CUL4A: variants seen among roughly 807,000 people sequenced by gnomAD.
CUL4A encodes the protein cullin 4A.
CUL4A carries 16 observed loss-of-function variants against 95.5 expected under a neutral mutation model. The observed-to-expected ratio is 0.17, with a 90% confidence interval of 0.11 to 0.25. The LOEUF (loss-of-function observed/expected upper bound fraction) is 0.25. Among genes scored for constraint, CUL4A ranks in the 10% least tolerant of loss-of-function variants. CUL4A has a pLI of 1.00. For missense variants in CUL4A, 610 were observed against 937.0 expected (o/e 0.65, Z 4.56); for synonymous variants, 380 against 353.1 (o/e 1.08, Z -0.85).
Position 113,233,204 on chromosome 13 carries a change from C to A in CUL4A, c.540C>A (p.Thr180=), listed in dbSNP as rs1196198011. Residue 180 remains threonine (T), a synonymous_variant, in exon 6 of 20, where the codon ACC becomes ACA. Transcript: ENST00000375440. ...IWDMGLELFR[T]HIISDKMVQS... ...ATATGGGATTAGAACTGTTTAGAAC[C>A]CATATTATTAGTGATAAAATGGTTC... The A allele has an allele frequency of 6.2e-7, 1 of 1,613,996 alleles. No homozygotes were observed.
chr13:113,230,040 G>T, intron 5 of CUL4A: 1 of 215,326 alleles, frequency 4.6e-6, no homozygotes, highest in Non-Finnish European at 9.1e-6. Flanking sequence ...CATGTCCTCT[G>T]CTGACCCCTG....
At chr13:113,222,994 C>T (rs571511020) in intron 3 of CUL4A, among the ~76,000 whole-genome samples, 3 of 152,108 alleles carry the variant, frequency 2.0e-5, no homozygotes, top group South Asian at 2.1e-4. Context: ...TTGTGGGAAT[C>T]GAGGGGCGAG....
intron 3 of CUL4A, among the ~76,000 whole-genome samples, chr13:113,222,923 A>G (rs960464063): frequency 3.9e-5 from 6 of 152,260 alleles, no homozygotes; most frequent in African/African-American, 1.4e-4. Flanking sequence ...GAGCAGAGCC[A>G]TGAGAGGAGG....
intron 2 of CUL4A, among the ~76,000 whole-genome samples, chr13:113,215,686 G>T (rs1281600705): frequency 6.6e-6 from 1 of 151,452 alleles, no homozygotes; most frequent in Admixed American, 6.6e-5. Flanking sequence ...GACTATGGAG[G>T]TCGCGTCCCA....
intron 16 of CUL4A, among the ~76,000 whole-genome samples, chr13:113,254,032 C>T (rs977200234): frequency 2.0e-5 from 3 of 152,082 alleles, no homozygotes; most frequent in Non-Finnish European, 2.9e-5. Flanking sequence ...CAGTTTTTTA[C>T]CTACTTGCTG....
At chr13:113,235,015 G>A in intron 7 of CUL4A, 48 bp from the exon 8 acceptor site, 3 of 1,348,410 alleles carry the variant, frequency 2.2e-6, no homozygotes, top group Non-Finnish European at 3.2e-6. Flanking sequence ...CTTGGATAGT[G>A]TCGACATTCT....
chr13:113,210,130 C>T, intron 2 of CUL4A, 42 bp downstream of exon 2: 2 of 1,347,080 alleles, frequency 1.5e-6, no homozygotes, highest in South Asian at 1.5e-5. Context: ...TCCTGCCCCG[C>T]GTGACGCAGA....
chr13:113,253,930 T>A (rs1230852725), intron 16 of CUL4A, among the ~76,000 whole-genome samples: 1 of 152,250 alleles, frequency 6.6e-6, no homozygotes, highest in Admixed American at 6.5e-5. Context: ...AAATAAGTTA[T>A]ACATACCTAC....
upstream of CUL4A, chr13:113,208,791 A>G: frequency 2.1e-6 from 3 of 1,418,652 alleles, no homozygotes; most frequent in Non-Finnish European, 2.8e-6. Context: ...CGGCTCGGCG[A>G]CGCGCTCGGG....
intron 10 of CUL4A, among the ~76,000 whole-genome samples, chr13:113,240,519 G>C (rs762318790): frequency 6.6e-6 from 1 of 152,206 alleles, no homozygotes; most frequent in Non-Finnish European, 1.5e-5. Flanking sequence ...TTTAGCAAAA[G>C]TCTGTGTTTT....
intron 9 of CUL4A, 114 bp downstream of exon 9, chr13:113,237,004 C>A: frequency 3.0e-6 from 2 of 674,856 alleles, no homozygotes; most frequent in Non-Finnish European, 4.9e-6. Flanking sequence ...TTTCATAAGA[C>A]AGTCATTAAA....
rs7328712 is a variant in CUL4A at position 113,256,121 on chromosome 13, A to G, written c.2031+996A>G. ...AGGGTCGCTTGATCCCGGGAGTTTG[A>G]GGCCAGCCTGAGCAATGCAGTGAGA... On this transcript the variant is annotated intron_variant, in intron 18 of 19. Transcript: ENST00000375440. Among the ~76,000 whole-genome samples, 1,333 of 152,210 alleles carry G rather than the reference A, an allele frequency of 8.8e-3. 23 individuals carry two copies. Among genetic ancestry groups the G allele is most frequent in the African/African-American group, 0.031 (1,287 of 41,522 alleles).
intron 10 of CUL4A, among the ~76,000 whole-genome samples, chr13:113,241,842 A>G (rs12869947): frequency 0.21 from 31,236 of 151,686 alleles, 3,875 homozygotes; most frequent in South Asian, 0.43. Flanking sequence ...CCAGCCAGCT[A>G]CCTCGCGTGT....
At chr13:113,235,553 T>G (rs1466162837) in intron 8 of CUL4A, among the ~76,000 whole-genome samples, 1 of 152,188 alleles carries the variant, frequency 6.6e-6, no homozygotes, top group African/African-American at 2.4e-5. Context: ...AACCTGAGGT[T>G]GATGAGTAGC....
intron 18 of CUL4A, among the ~76,000 whole-genome samples, chr13:113,256,142 T>C (rs964715758): frequency 2.0e-5 from 3 of 152,108 alleles, no homozygotes; most frequent in African/African-American, 7.2e-5. Context: ...AGCAATGCAG[T>C]GAGACCCCAA....
intron 13 of CUL4A, 25 bp downstream of exon 13, chr13:113,245,084 TC>T: frequency 6.2e-7 from 1 of 1,605,328 alleles, no homozygotes; most frequent in Non-Finnish European, 8.5e-7. Context: ...CCTGGGCTCC[TC>T]CCCTGTAACT....
intron 18 of CUL4A, among the ~76,000 whole-genome samples, chr13:113,260,304 A>G (rs557531363): frequency 2.0e-5 from 3 of 151,242 alleles, no homozygotes; most frequent in African/African-American, 4.8e-5. Context: ...TAATCCCAGC[A>G]CTTTGGGAGG....
intron 10 of CUL4A, among the ~76,000 whole-genome samples, chr13:113,241,476 C>T (rs959816957): frequency 1.3e-5 from 2 of 151,656 alleles, no homozygotes; most frequent in Admixed American, 1.3e-4. Flanking sequence ...CACACCGCCC[C>T]TCTCTGGGAG....
intron 18 of CUL4A, among the ~76,000 whole-genome samples, chr13:113,256,373 C>A (rs1330367486): frequency 2.0e-5 from 3 of 152,140 alleles, no homozygotes; most frequent in South Asian, 2.1e-4. Context: ...ACGTTCAACA[C>A]CCTGGCACAG....
Sources: gnomAD v4.1 joint callset for allele counts (sites outside exome capture counted in the v4.1 genomes callset) on GRCh38, gnomAD v4.1.1 for gene constraint, MANE v1.5 for transcripts, NCBI Gene and HGNC (gene_info 2026-07-23, HGNC 2026-07-21) for gene names.